Variants in RFWD3 observed in about 807,000 individuals in gnomAD.
RFWD3 encodes the protein ring finger and WD repeat domain 3.
In RFWD3, 65 loss-of-function variants were observed where a neutral mutation model predicts 87.7. The ratio of observed to expected loss-of-function variants is 0.74; its 90% confidence interval spans 0.61 to 0.91. The LOEUF is 0.91. Ranked by LOEUF, RFWD3 falls within the 40% of genes least tolerant of loss-of-function variation. The pLI, the probability that RFWD3 is intolerant of heterozygous loss-of-function variation, is 0.00. For synonymous variants in RFWD3, 433 were observed against 352.8 expected (o/e 1.23, Z -2.55); for missense variants, 1,078 against 938.5 (o/e 1.15, Z -1.94).
intron 8 of RFWD3, among the ~76,000 whole-genome samples, chr16:74,635,253 G>T (rs139673643): frequency 6.6e-6 from 1 of 151,520 alleles, no homozygotes; most frequent in Non-Finnish European, 1.5e-5. Context: ...ACTGCAGTCC[G>T]GCCTAGGCGA....
intron 2 of RFWD3, among the ~76,000 whole-genome samples, chr16:74,652,496 T>C (rs995765911): frequency 3.3e-5 from 5 of 152,180 alleles, no homozygotes; most frequent in African/African-American, 4.8e-5. Flanking sequence ...TGCCCAAATA[T>C]GGCCTCATGG....
At chr16:74,635,204 G>A (rs563363691) in intron 8 of RFWD3, among the ~76,000 whole-genome samples, 4 of 152,188 alleles carry the variant, frequency 2.6e-5, no homozygotes, top group South Asian at 2.1e-4. Flanking sequence ...ATGAACCCGA[G>A]AGGTGGAGCT....
chr16:74,626,410 A>C lies in RFWD3; in HGVS notation c.2114T>G (p.Phe705Cys). 2 of 1,614,206 alleles carry C rather than the reference A, an allele frequency of 1.2e-6. No individual in the cohort carries two copies. The part of the protein sequence containing the change: ...TCKLLTKNAI[F>C]QSPENDGNIL... ...GTTGCCATCATTCTCTGGGCTTTGGAAAATGGCATTTTTGGTCAATAGTTT... is the reference window on the plus strand; with the variant it reads ...GTTGCCATCATTCTCTGGGCTTTGGCAAATGGCATTTTTGGTCAATAGTTT... Residue 705 changes from phenylalanine to cysteine, a missense_variant, in exon 12 of 13, where the codon TTC becomes TGC. Transcript: ENST00000361070.
chr16:74,646,133 G>A (rs1960122982), intron 4 of RFWD3, among the ~76,000 whole-genome samples: 1 of 152,124 alleles, frequency 6.6e-6, no homozygotes, highest in Non-Finnish European at 1.5e-5. Context: ...CCAGCTTATT[G>A]GGAGGCCAAG....
chr16:74,652,502 C>G (rs1377403950), intron 2 of RFWD3, among the ~76,000 whole-genome samples: 2 of 152,160 alleles, frequency 1.3e-5, no homozygotes, highest in African/African-American at 4.8e-5. Flanking sequence ...AATATGGCCT[C>G]ATGGGATTTT....
intron 6 of RFWD3, among the ~76,000 whole-genome samples, chr16:74,643,498 T>A (rs1959831711): frequency 1.3e-5 from 2 of 152,112 alleles, no homozygotes; most frequent in Admixed American, 6.6e-5. Context: ...GCCTGAACAA[T>A]TACTAGATCA....
At chr16:74,662,544 C>T (rs2144368527) in intron 1 of RFWD3, among the ~76,000 whole-genome samples, 1 of 152,236 alleles carries the variant, frequency 6.6e-6, no homozygotes, top group Non-Finnish European at 1.5e-5. Context: ...CCAACTAAGA[C>T]ACAATTGTGA....
chr16:74,644,252 G>T, intron 6 of RFWD3, 110 bp downstream of exon 6: 1 of 982,954 alleles, frequency 1.0e-6, no homozygotes, highest in South Asian at 1.3e-5. Context: ...GAGATCCCAA[G>T]TCACAGGTCA....
intron 8 of RFWD3, among the ~76,000 whole-genome samples, chr16:74,634,120 G>C (rs1480280501): frequency 1.3e-5 from 2 of 152,068 alleles, no homozygotes; most frequent in East Asian, 3.8e-4. Context: ...TAAAGCTGTT[G>C]AGAGACAGAA....
chr16:74,633,043 G>A (rs990255439), intron 8 of RFWD3, among the ~76,000 whole-genome samples: 13 of 152,012 alleles, frequency 8.6e-5, no homozygotes, highest in African/African-American at 7.2e-5. Context: ...TTGGGAGGCC[G>A]AGACAGGTGG....
At chr16:74,652,204 C>T in intron 2 of RFWD3, 82 bp from the exon 3 acceptor site, 1 of 1,291,856 alleles carries the variant, frequency 7.7e-7, no homozygotes, top group Non-Finnish European at 1.1e-6. Context: ...GAAGTAAATC[C>T]TATCACTTCA....
intron 2 of RFWD3, among the ~76,000 whole-genome samples, chr16:74,659,629 T>G (rs1961273673): frequency 1.3e-5 from 2 of 151,038 alleles, no homozygotes; most frequent in Non-Finnish European, 2.9e-5. Flanking sequence ...TAATATGCAT[T>G]TGCAACTCTT....
At chr16:74,659,468 G>T (rs573518199) in intron 2 of RFWD3, among the ~76,000 whole-genome samples, 1 of 152,102 alleles carries the variant, frequency 6.6e-6, no homozygotes, top group Non-Finnish European at 1.5e-5. Flanking sequence ...GCTGGTGCAC[G>T]CCTGCAATCC....
chr16:74,646,765 C>T (rs900500734), intron 4 of RFWD3, among the ~76,000 whole-genome samples: 7 of 151,838 alleles, frequency 4.6e-5, no homozygotes, highest in African/African-American at 1.7e-4. Context: ...TGGAATGCCA[C>T]GTAGCTATTA....
At chr16:74,657,241 A>G (rs1348303500) in intron 2 of RFWD3, among the ~76,000 whole-genome samples, 1 of 152,158 alleles carries the variant, frequency 6.6e-6, no homozygotes, top group African/African-American at 2.4e-5. Flanking sequence ...GCTTTTCACA[A>G]CTATCAAGGA....
intron 1 of RFWD3, among the ~76,000 whole-genome samples, chr16:74,662,700 CCAT>C (rs931239470): frequency 7.9e-5 from 12 of 152,078 alleles, no homozygotes; most frequent in African/African-American, 2.9e-4. Context: ...GAACAGGACA[CCAT>C]TATTAAAGGG....
At chr16:74,656,363 T>C (rs956926559) in intron 2 of RFWD3, among the ~76,000 whole-genome samples, 1 of 151,820 alleles carries the variant, frequency 6.6e-6, no homozygotes, top group African/African-American at 2.4e-5. Context: ...TTGTGACTCT[T>C]AGCTGTGGGG....
At chr16:74,664,938 G>A (rs1961759230) in intron 1 of RFWD3, among the ~76,000 whole-genome samples, 1 of 152,172 alleles carries the variant, frequency 6.6e-6, no homozygotes, top group Non-Finnish European at 1.5e-5. Context: ...CTGTAGGCCA[G>A]TCGGAGGTGC....
At chr16:74,651,461 T>A (rs1438460516) in intron 3 of RFWD3, among the ~76,000 whole-genome samples, 2 of 151,902 alleles carry the variant, frequency 1.3e-5, no homozygotes, top group African/African-American at 4.8e-5. Flanking sequence ...CTACAAAAAA[T>A]TTAAAAAATT....
Sources: gnomAD v4.1 joint callset for allele counts (sites outside exome capture counted in the v4.1 genomes callset) on GRCh38, gnomAD v4.1.1 for gene constraint, MANE v1.5 for transcripts, NCBI Gene and HGNC (gene_info 2026-07-23, HGNC 2026-07-21) for gene names.